Variants in TNFSF13B observed in about 807,000 individuals in gnomAD.
TNFSF13B encodes tumor necrosis factor ligand superfamily member 13B.
A neutral mutation model predicts 29.1 loss-of-function variants in TNFSF13B; 8 were observed. The ratio of observed to expected loss-of-function variants is 0.27; its 90% CI spans 0.16 to 0.50. The LOEUF is 0.50. Ranked by LOEUF, TNFSF13B falls within the 20% of genes least tolerant of loss-of-function variation. The pLI is 0.98. For synonymous variants in TNFSF13B, 125 were observed against 130.8 expected (o/e 0.96, Z 0.30); for missense variants, 248 against 334.9 (o/e 0.74, Z 2.03).
intron 2 of TNFSF13B, among the ~76,000 whole-genome samples, chr13:108,286,360 T>A (rs1266879244): frequency 1.3e-5 from 2 of 152,168 alleles, no homozygotes; most frequent in Non-Finnish European, 2.9e-5. Context: ...TAGCATTTTT[T>A]TTTTTACTTT....
In TNFSF13B at chr13:108,296,598, T is replaced by C. The variant is rs994720891; in HGVS notation, c.482-6655T>C. On this transcript the variant is annotated intron_variant, in intron 3 of 5. Transcript: ENST00000375887. ...GTATTTTAATTGCCAAATTTAAATT[T>C]AGCTCATTTATATTTAAAGTGATTA... is the stretch of plus-strand genomic sequence containing the variant. 1.0e-4 allele frequency among the ~76,000 whole-genome samples: 15 copies of C among 146,048 alleles called. 1 individual carries two copies. The highest frequency in any genetic ancestry group is 3.9e-4 in the African/African-American group (15 of 38,948).
rs1355284193 is a variant in TNFSF13B, at chr13:108,270,072, C to T, written c.177C>T (p.Cys59=). 2 of 1,607,646 alleles carry T rather than the reference C, an allele frequency of 1.2e-6. No individual in the cohort carries two copies. Among genetic ancestry groups the T allele is most frequent in the South Asian group, 2.2e-5 (2 of 91,084 alleles). The change falls in exon 1 of 6, where the codon TGC becomes TGT. Residue 59 remains cysteine, a synonymous_variant. Transcript: ENST00000375887. ...CCTTGCTGCTGGCACTGCTGTCTTG[C>T]TGCCTCACGGTGGTGTCTTTCTACC... The part of the protein sequence containing the change: ...AATLLLALLS[C]CLTVVSFYQV...
intron 2 of TNFSF13B, among the ~76,000 whole-genome samples, chr13:108,281,291 C>T (rs1880946826): frequency 6.6e-6 from 1 of 152,054 alleles, no homozygotes; most frequent in South Asian, 2.1e-4. Flanking sequence ...AAGTATTTGT[C>T]ATCATTCCAT....
At chr13:108,283,085 TG>T (rs1313969273) in intron 2 of TNFSF13B, among the ~76,000 whole-genome samples, 1 of 152,246 alleles carries the variant, frequency 6.6e-6, no homozygotes, top group Admixed American at 6.5e-5. Context: ...CTCCTCTCTT[TG>T]TGAGGCAAAT....
In TNFSF13B at chr13:108,270,051, G is replaced by T. The variant is rs771957040; in HGVS notation, c.156G>T (p.Leu52Phe). ...SKDGKLLAATLLLALLSCCLT... is the reference protein window; with the variant it reads ...SKDGKLLAATFLLALLSCCLT... ...ACGGAAAGCTGCTGGCTGCAACCTT[G>T]CTGCTGGCACTGCTGTCTTGCTGCC... The change falls in exon 1 of 6, where the codon TTG becomes TTT. Residue 52 changes from leucine (L) to phenylalanine (F), a missense_variant. Transcript: ENST00000375887. The T allele has an allele frequency of 3.2e-5, 51 of 1,610,368 alleles. No individual in the cohort carries two copies. The highest frequency in any genetic ancestry group is 4.2e-5 in the Non-Finnish European group (50 of 1,180,000).
rs992718255 is a variant in TNFSF13B at position 108,294,977 on chromosome 13, T to C, written c.481+8118T>C. Among the ~76,000 whole-genome samples the C allele has an allele frequency of 2.8e-5, 4 of 145,398 alleles. 1 individual carries two copies. Among genetic ancestry groups the C allele is most frequent in the Admixed American group, 2.7e-4 (4 of 14,694 alleles). ...GAATTTGTCCCATTTGTCTACATTA[T>C]CTAATTTGTTGGAGTACAATTATTA... On this transcript the variant is annotated intron_variant, in intron 3 of 5. Transcript: ENST00000375887.
intron 2 of TNFSF13B, among the ~76,000 whole-genome samples, chr13:108,285,154 G>C (rs1027121285): frequency 6.6e-6 from 1 of 152,068 alleles, no homozygotes; most frequent in African/African-American, 2.4e-5. Flanking sequence ...TGTTAGAAAA[G>C]CTTTATAGTT....
intron 2 of TNFSF13B, among the ~76,000 whole-genome samples, chr13:108,279,750 T>A (rs1880878918): frequency 6.6e-6 from 1 of 152,190 alleles, no homozygotes; most frequent in African/African-American, 2.4e-5. Flanking sequence ...AATGGAATTG[T>A]CAAGAATGGT....
At chr13:108,301,984 T>C (rs1396833681) in intron 3 of TNFSF13B, among the ~76,000 whole-genome samples, 3 of 152,206 alleles carry the variant, frequency 2.0e-5, no homozygotes, top group Non-Finnish European at 4.4e-5. Context: ...TGGTTTGCCT[T>C]GGAAACACTA....
rs747395639 is a variant in TNFSF13B at position 108,303,206 on chromosome 13, C to T, written c.482-47C>T. 7.5e-6 allele frequency: 10 copies of T among 1,331,394 alleles called. No homozygotes were observed. In the Admixed American group the frequency reaches 1.9e-4, roughly 25 times the overall value. 82.5% of individuals were successfully genotyped at this position (1,331,394 alleles called of 1,614,324 possible). ...CTTAACAACTAAATGGAGGTGAAAA[C>T]TGCTTTTCTTGGTTTCTTTCCTTAT... On this transcript the variant is annotated intron_variant, in intron 3 of 5. Coordinates refer to ENST00000375887, the MANE Select transcript of TNFSF13B (RefSeq NM_006573.5).
At chr13:108,291,688 C>T (rs1268420228) in intron 3 of TNFSF13B, among the ~76,000 whole-genome samples, 1 of 151,918 alleles carries the variant, frequency 6.6e-6, no homozygotes, top group Non-Finnish European at 1.5e-5. Context: ...CTGTGTTTCT[C>T]ATGTATGCAA....
At position 108,303,468 on chromosome 13, in the gene TNFSF13B, T is replaced by C. The variant is rs771724374; in HGVS notation, c.609T>C (p.Asp203=). 154 of 1,612,860 alleles carry C rather than the reference T, an allele frequency of 9.5e-5. 1 individual carries two copies. The East Asian group carries it at 3.1e-3, about 32-fold the overall frequency. ...TTGTTTCTTAGGTTTTATATACTGA[T>C]AAGACCTACGCCATGGGACATCTAA... The part of the protein sequence containing the change: ...FFIYGQVLYT[D]KTYAMGHLIQ... The change falls in exon 5 of 6, where the codon GAT becomes GAC. Residue 203 remains aspartate (D), a synonymous_variant. Transcript: ENST00000375887.
rs762777509 is a variant in TNFSF13B at position 108,306,814 on chromosome 13, A to AT, written c.746-6dup. 10 of 1,524,914 alleles carry AT rather than the reference A, an allele frequency of 6.6e-6. No homozygotes were observed. The highest frequency in any genetic ancestry group is 2.3e-5 in the East Asian group (1 of 44,194). The allele number at this position is 1,524,914 out of a possible 1,614,324, so 94.5% of individuals were successfully genotyped here. A position where few individuals can be genotyped will look rare whatever the true frequency, so the allele number is the denominator to read the frequency against. ...TAACCACTTATAGTTCTTGTAAATCATTTTTTCCCAGGCATTGCAAAACTG... is the reference window on the plus strand; with the variant it reads ...TAACCACTTATAGTTCTTGTAAATCATTTTTTTCCCAGGCATTGCAAAACTG... On this transcript the variant is annotated splice_polypyrimidine_tract_variant and intron_variant, in intron 5 of 5. Coordinates refer to ENST00000375887, the MANE Select transcript of TNFSF13B (RefSeq NM_006573.5).
chr13:108,290,922 G>T (rs1449795992), intron 3 of TNFSF13B, among the ~76,000 whole-genome samples: 2 of 151,564 alleles, frequency 1.3e-5, no homozygotes, highest in Non-Finnish European at 2.9e-5. Context: ...AATTTATCCT[G>T]GTATAAGATG....
At position 108,296,138 on chromosome 13, in the gene TNFSF13B, A is replaced by G. The variant is rs565575514; in HGVS notation, c.482-7115A>G. On this transcript the variant is annotated intron_variant, in intron 3 of 5. Coordinates refer to ENST00000375887, the MANE Select transcript of TNFSF13B (RefSeq NM_006573.5). ...GTTTACAGTGTTGTTCAAGTTCACT[A>G]TTGCCTTATTGATCTCTTACCTAGA... Among the ~76,000 whole-genome samples, 2 of 145,608 alleles carry G rather than the reference A, an allele frequency of 1.4e-5. 1 individual carries two copies. The highest frequency in any genetic ancestry group is 4.3e-4 in the South Asian group (2 of 4,668).
At chr13:108,294,876 A>G (rs2139062662) in intron 3 of TNFSF13B, among the ~76,000 whole-genome samples, 1 of 141,032 alleles carries the variant, frequency 7.1e-6, no homozygotes, top group Admixed American at 6.9e-5. Context: ...ATTAATTAAA[A>G]CTCTACACTG....
intron 2 of TNFSF13B, among the ~76,000 whole-genome samples, chr13:108,283,726 C>G (rs1566401734): frequency 6.6e-6 from 1 of 152,166 alleles, no homozygotes; most frequent in African/African-American, 2.4e-5. Flanking sequence ...GGCCGGAAGT[C>G]CAAGACCAAG....
intron 5 of TNFSF13B, among the ~76,000 whole-genome samples, chr13:108,304,757 A>G (rs1054345207): frequency 3.3e-5 from 5 of 152,212 alleles, no homozygotes; most frequent in Admixed American, 2.6e-4. Context: ...CCAATAAGTC[A>G]GTTAGAAACT....
At position 108,270,402 on chromosome 13, in the gene TNFSF13B, C is replaced by G; in HGVS notation, c.402C>G (p.Ala134=). ...NSSQNSRNKR[A]VQGPEETVTQ... Reference sequence around the variant, plus strand: ...GTCAGAACAGCAGAAATAAGCGTGCCGTTCAGGGTCCAGAAGAAACAGGTA... The same window carrying G: ...GTCAGAACAGCAGAAATAAGCGTGCGGTTCAGGGTCCAGAAGAAACAGGTA... Residue 134 remains alanine, a synonymous_variant, in exon 2 of 6, where the codon GCC becomes GCG. Transcript: ENST00000375887. The G allele has an allele frequency of 1.2e-6, 2 of 1,614,006 alleles. No homozygotes were observed. Among genetic ancestry groups the G allele is most frequent in the East Asian group, 2.2e-5 (1 of 44,884 alleles).
Sources: allele counts gnomAD v4.1 joint callset (sites outside exome capture counted in the v4.1 genomes callset), GRCh38; gene constraint gnomAD v4.1.1; transcripts MANE v1.5; gene names NCBI Gene and HGNC (gene_info 2026-07-23, HGNC 2026-07-21).